The following SPNS2 variants were observed in gnomAD, a reference collection of about 807,000 sequenced individuals.
The protein encoded by SPNS2 is SPNS lysolipid transporter 2, sphingosine-1-phosphate, also known as sphingosine-1-phosphate transporter SPNS2.
Under a neutral mutation model 57.6 loss-of-function variants are expected in SPNS2, and 37 were observed. The observed-to-expected ratio is 0.64, with a 90% CI of 0.49 to 0.85. The LOEUF (loss-of-function observed/expected upper bound fraction) is 0.85, where lower values mean the gene tolerates loss of function less well. Ranked by LOEUF, SPNS2 falls within the 40% of genes least tolerant of loss-of-function variation. The probability of loss-of-function intolerance (pLI) is 0.00; values close to 1 mark genes in which losing one functional copy is unlikely to be tolerated. For synonymous variants in SPNS2, 440 were observed against 346.9 expected (o/e 1.27, Z -2.98); for missense variants, 831 against 779.1 (o/e 1.07, Z -0.79).
rs1228350924 is a variant in SPNS2 at position 4,538,912 on chromosome 17, T to C, written c.*1464T>C. 1 of 781,932 alleles carries C rather than the reference T, an allele frequency of 1.3e-6. No homozygotes were observed. Among genetic ancestry groups the C allele is most frequent in the Non-Finnish European group, 2.4e-6 (1 of 418,858 alleles). 48.4% of individuals were successfully genotyped at this position (781,932 alleles called of 1,614,324 possible). A position where few individuals can be genotyped will look rare whatever the true frequency, so the allele number is the denominator to read the frequency against. On this transcript the variant is annotated 3_prime_UTR_variant, in exon 13 of 13. Coordinates refer to ENST00000329078, the MANE Select transcript of SPNS2 (RefSeq NM_001124758.3). ...AGAACCAGGTCCGAGTGTTGCCTCCTCTTCCTTCCGGAAGCCAAACTGCTC... is the reference window on the plus strand; with the variant it reads ...AGAACCAGGTCCGAGTGTTGCCTCCCCTTCCTTCCGGAAGCCAAACTGCTC...
chr17:4,513,440 G>C lies in SPNS2; in HGVS notation c.436+128G>C, dbSNP rs762580624. 7.3e-6 allele frequency: 7 copies of C among 955,184 alleles called. No homozygotes were observed. The East Asian group carries it at 1.8e-4, about 24-fold the overall frequency. The allele number at this position is 955,184 out of a possible 1,614,324, so 59.2% of individuals were successfully genotyped here. A position where few individuals can be genotyped will look rare whatever the true frequency, so the allele number is the denominator to read the frequency against. ...GACTCCTGGAAAGAGAGTGGGCTTT[G>C]CATCCCAGTCTCACTATTGCCACCT... is the stretch of plus-strand genomic sequence containing the variant. On this transcript the variant is annotated intron_variant, in intron 2 of 12. Transcript: ENST00000329078.
chr17:4,533,305 C>G lies in SPNS2; in HGVS notation c.1151C>G (p.Ala384Gly), dbSNP rs1300998472. Reference protein sequence around the residue: ...GFLGVVTGAGATRWCRLKTQR... With the variant: ...GFLGVVTGAGGTRWCRLKTQR... Reference sequence around the variant, plus strand: ...CTGGGCGTGGTCACGGGGGCAGGAGCCACGCGCTGGTGCCGCCTGAAGACC... The same window carrying G: ...CTGGGCGTGGTCACGGGGGCAGGAGGCACGCGCTGGTGCCGCCTGAAGACC... Residue 384 changes from alanine (A) to glycine (G), a missense_variant, in exon 8 of 13, where the codon GCC (alanine) becomes GGC (glycine). Transcript: ENST00000329078. 6.2e-7 allele frequency: 1 copy of G among 1,611,492 alleles called. No homozygotes were observed. Among genetic ancestry groups the G allele is most frequent in the Non-Finnish European group, 8.5e-7 (1 of 1,179,232 alleles).
Position 4,538,970 on chromosome 17 carries a change from CAG to C in SPNS2, c.*1525_*1526del, listed in dbSNP as rs763443122. The C allele has an allele frequency of 1.1e-5, 9 of 790,596 alleles. No individual in the cohort carries two copies. The highest frequency in any genetic ancestry group is 4.8e-5 in the East Asian group (2 of 41,316). The allele number at this position is 790,596 out of a possible 1,614,324, so 49.0% of individuals were successfully genotyped here. A position where few individuals can be genotyped will look rare whatever the true frequency, so the allele number is the denominator to read the frequency against. On this transcript the variant is annotated 3_prime_UTR_variant, in exon 13 of 13. Transcript: ENST00000329078. ...TTTTAGAGCTGCTGATTGTGAATCT[CAG>C]AGTCTTAAGAGAGAAGCCAAATATA... is the stretch of plus-strand genomic sequence containing the variant.
At chr17:4,506,001 G>A (rs1904666724) in intron 1 of SPNS2, among the ~76,000 whole-genome samples, 1 of 152,256 alleles carries the variant, frequency 6.6e-6, no homozygotes, top group Admixed American at 6.5e-5. Flanking sequence ...CTGGGGAGAG[G>A]TGGGGTTACT....
chr17:4,528,805 G>A (rs187614257), intron 3 of SPNS2, among the ~76,000 whole-genome samples: 9 of 152,104 alleles, frequency 5.9e-5, no homozygotes, highest in South Asian at 2.1e-4. Context: ...ACAGGGTCTC[G>A]CTCTGTCACC....
rs1040634988 is a variant in SPNS2, at chr17:4,533,393, G to A, written c.1239G>A (p.Leu413=). Residue 413 remains leucine (L), a synonymous_variant, in exon 8 of 13, where the codon CTG becomes CTA. Coordinates refer to ENST00000329078, the MANE Select transcript of SPNS2 (RefSeq NM_001124758.3). ...TGGGCTCTGCCATCTTCATCTGCCT[G>A]ATCTTCGTGGCTGCCAAGAGCAGCA... is the stretch of plus-strand genomic sequence containing the variant. ...GMLGSAIFIC[L]IFVAAKSSIV... is the part of the protein sequence containing the mutation. 1.2e-6 allele frequency: 2 copies of A among 1,609,458 alleles called. No individual in the cohort carries two copies. The highest frequency in any genetic ancestry group is 1.7e-6 in the Non-Finnish European group (2 of 1,178,338).
intron 8 of SPNS2, 127 bp downstream of exon 8, chr17:4,533,559 G>A (rs1337929060): frequency 2.6e-6 from 3 of 1,147,736 alleles, no homozygotes; most frequent in Admixed American, 2.5e-5. Flanking sequence ...TTCTCTGGCT[G>A]CCCCTGCTCA....
At chr17:4,524,438 A>C (rs1167288171) in intron 2 of SPNS2, among the ~76,000 whole-genome samples, 1 of 152,250 alleles carries the variant, frequency 6.6e-6, no homozygotes, top group East Asian at 1.9e-4. Context: ...TAATCCCAGC[A>C]CTTTGGGAGG....
rs1306353005 is a variant in SPNS2, at chr17:4,537,727, C to A, written c.*279C>A. 2.2e-6 allele frequency: 1 copy of A among 456,770 alleles called. No individual in the cohort carries two copies. The highest frequency in any genetic ancestry group is 4.4e-6 in the Non-Finnish European group (1 of 226,962). The allele number at this position is 456,770 out of a possible 1,614,324, so 28.3% of individuals were successfully genotyped here. A position where few individuals can be genotyped will look rare whatever the true frequency, so the allele number is the denominator to read the frequency against. On this transcript the variant is annotated 3_prime_UTR_variant, in exon 13 of 13. Transcript: ENST00000329078. ...CCCCTGGGGCCAAGGAAGAAGACAGCCCCAAGTGGGTGTCCGGGGAGAGCC... is the reference window on the plus strand; with the variant it reads ...CCCCTGGGGCCAAGGAAGAAGACAGACCCAAGTGGGTGTCCGGGGAGAGCC...
chr17:4,516,738 G>A (rs1905006552), intron 2 of SPNS2, among the ~76,000 whole-genome samples: 1 of 152,172 alleles, frequency 6.6e-6, no homozygotes, highest in Admixed American at 6.5e-5. Context: ...AATATGCCAA[G>A]AAAACATGTT....
chr17:4,538,817 TCCTCCAAAGACCAG>T lies in SPNS2; in HGVS notation c.*1376_*1389del. On this transcript the variant is annotated 3_prime_UTR_variant, in exon 13 of 13. Transcript: ENST00000329078. ...ACAAGAGGATGGGGTGGGGGTGGCA[TCCTCCAAAGACCAG>T]CCTCCACCCCCACTCCAGCCTCAGC... 4 of 769,242 alleles carry T rather than the reference TCCTCCAAAGACCAG, an allele frequency of 5.2e-6. No homozygotes were observed. The South Asian group carries it at 5.4e-5, about 10-fold the overall frequency. The allele number at this position is 769,242 out of a possible 1,614,324, so 47.7% of individuals were successfully genotyped here.
chr17:4,521,709 T>C (rs1054978785), intron 2 of SPNS2, among the ~76,000 whole-genome samples: 11 of 152,238 alleles, frequency 7.2e-5, no homozygotes, highest in Non-Finnish European at 1.5e-4. Flanking sequence ...TAATAACTAC[T>C]CAAAAGTCCT....
chr17:4,521,920 C>T (rs889744542), intron 2 of SPNS2, among the ~76,000 whole-genome samples: 3 of 152,184 alleles, frequency 2.0e-5, no homozygotes, highest in East Asian at 1.9e-4. Flanking sequence ...CAAACACGGC[C>T]GGGCACGGTG....
Position 4,531,153 on chromosome 17 carries a change from T to G in SPNS2, c.792+34T>G, listed in dbSNP as rs372421678. 3 of 1,607,976 alleles carry G rather than the reference T, an allele frequency of 1.9e-6. No homozygotes were observed. In the South Asian group the frequency reaches 3.3e-5, roughly 18 times the overall value. ...TACGTCCCTTCCCATGAGGACACCC[T>G]CCGGTCCAGACCTCGCCCCAGGGTT... On this transcript the variant is annotated intron_variant, in intron 5 of 12. Transcript: ENST00000329078.
At position 4,535,765 on chromosome 17, in the gene SPNS2, T is replaced by C. The variant is rs1232116217; in HGVS notation, c.1345-311T>C. 6.6e-5 allele frequency among the ~76,000 whole-genome samples: 10 copies of C among 151,998 alleles called. No homozygotes were observed. In the East Asian group the frequency reaches 1.9e-3, roughly 30 times the overall value. ...TTTGAGGCCAATGACGCTTTCAGTA[T>C]GGGGCAGGTCGCAGTGGTCTGGGTT... On this transcript the variant is annotated intron_variant, in intron 9 of 12. Transcript: ENST00000329078.
Position 4,499,565 on chromosome 17 carries a change from C to G in SPNS2, c.370+148C>G. The G allele has an allele frequency of 2.1e-6, 1 of 471,384 alleles. No homozygotes were observed. Among genetic ancestry groups the G allele is most frequent in the Non-Finnish European group, 3.6e-6 (1 of 280,382 alleles). The allele number at this position is 471,384 out of a possible 1,614,324, so 29.2% of individuals were successfully genotyped here. On this transcript the variant is annotated intron_variant, in intron 1 of 12. Coordinates refer to ENST00000329078, the MANE Select transcript of SPNS2 (RefSeq NM_001124758.3). This position sits in a 1 kb window ranked among gnomAD's most constrained non-coding sequence, Gnocchi z 5.2. ...TCCCTACGGACCCTCTGCTCAGGCACAACTGGGCAAGGGATGCCTCCGTGC... is the reference window on the plus strand; with the variant it reads ...TCCCTACGGACCCTCTGCTCAGGCAGAACTGGGCAAGGGATGCCTCCGTGC...
chr17:4,533,280 C>A lies in SPNS2; in HGVS notation c.1126C>A (p.Leu376Met). The A allele has an allele frequency of 6.2e-7, 1 of 1,609,518 alleles. No individual in the cohort carries two copies. Among genetic ancestry groups the A allele is most frequent in the Non-Finnish European group, 8.5e-7 (1 of 1,177,696 alleles). ...GGCCATCACCTGCTTTACGGGATTT[C>A]TGGGCGTGGTCACGGGGGCAGGAGC... is the stretch of plus-strand genomic sequence containing the variant. ...FGAITCFTGF[L>M]GVVTGAGATR... is the part of the protein sequence containing the mutation. The change falls in exon 8 of 13, where the codon CTG becomes ATG. Residue 376 changes from leucine (L) to methionine (M), a missense_variant. Leu to Met is a conservative substitution (Grantham distance 15). Transcript: ENST00000329078.
At chr17:4,523,807 C>T (rs995892634) in intron 2 of SPNS2, among the ~76,000 whole-genome samples, 1 of 152,190 alleles carries the variant, frequency 6.6e-6, no homozygotes, top group African/African-American at 2.4e-5. Flanking sequence ...CTGTTTCAGC[C>T]CCTCCCACCC....
intron 1 of SPNS2, among the ~76,000 whole-genome samples, chr17:4,501,253 G>T (rs993735770): frequency 6.6e-5 from 10 of 151,760 alleles, no homozygotes; most frequent in African/African-American, 2.4e-4. Flanking sequence ...TCTCCAACTT[G>T]TTTTTTTTCT....
Sources: gnomAD v4.1 joint callset for allele counts (sites outside exome capture counted in the v4.1 genomes callset) on GRCh38, gnomAD v4.1.1 for gene constraint, Gnocchi (gnomAD v3.1) non-coding constraint, MANE v1.5 for transcripts, NCBI Gene and HGNC (gene_info 2026-07-23, HGNC 2026-07-21) for gene names.